Variants in GRAMD1B observed in about 807,000 individuals in gnomAD.
GRAMD1B encodes GRAM domain containing 1B, also known as protein Aster-B.
In GRAMD1B, 37 loss-of-function variants were observed where a neutral mutation model predicts 99.7. The ratio of observed to expected loss-of-function variants is 0.37; its 90% CI spans 0.29 to 0.49. The LOEUF is 0.49. GRAMD1B is among the 20% of genes least tolerant of loss of function. GRAMD1B has a pLI of 0.98. For missense variants in GRAMD1B, 888 were observed against 1,009.2 expected (o/e 0.88, Z 1.63); for synonymous variants, 427 against 387.6 (o/e 1.10, Z -1.19).
chr11:123,410,548 A>G (rs1948009343), intron 1 of GRAMD1B, among the ~76,000 whole-genome samples: 1 of 152,066 alleles, frequency 6.6e-6, no homozygotes, highest in African/African-American at 2.4e-5. Context: ...CTGCCTACAC[A>G]AGACCCTGGA....
At chr11:123,600,355 A>T in intron 7 of GRAMD1B, 113 bp from the exon 8 acceptor site, 2 of 664,350 alleles carry the variant, frequency 3.0e-6, no homozygotes, top group Non-Finnish European at 5.2e-6. Context: ...ACTGAGAGTC[A>T]TTAGTGTTTG....
chr11:123,540,620 AT>A (rs1944415914), intron 2 of GRAMD1B, among the ~76,000 whole-genome samples: 1 of 151,844 alleles, frequency 6.6e-6, no homozygotes, highest in Non-Finnish European at 1.5e-5. Flanking sequence ...TTTAACACAA[AT>A]TATCCATGGG....
intron 1 of GRAMD1B, among the ~76,000 whole-genome samples, chr11:123,439,865 A>G (rs1439210895): frequency 1.3e-5 from 2 of 152,226 alleles, no homozygotes; most frequent in African/African-American, 4.8e-5. Context: ...ATCTGACCAC[A>G]GAGATTTTCA....
rs894577598 is a variant in GRAMD1B at position 123,577,416 on chromosome 11, C to T, written c.502C>T (p.Arg168Trp). Residue 168 changes from arginine (R) to tryptophan (W), a missense_variant, in exon 3 of 20, where the codon CGG (arginine) becomes TGG (tryptophan). Physicochemically the swap from Arg to Trp is moderately radical, Grantham distance 101. This residue lies in a region of GRAMD1B where 233 missense variants were observed against 154.6 expected (regional missense o/e 1.51). Coordinates refer to ENST00000635736, the MANE Select transcript of GRAMD1B (RefSeq NM_001387025.1). ...RSTPACSPILRKRSRSPTPQN... is the reference protein window; with the variant it reads ...RSTPACSPILWKRSRSPTPQN... Reference sequence around the variant, plus strand: ...CACGCCGGCCTGCTCGCCCATCCTCCGGAAGCGGTCTCGCTCGCCAACCCC... The same window carrying T: ...CACGCCGGCCTGCTCGCCCATCCTCTGGAAGCGGTCTCGCTCGCCAACCCC... 1.9e-6 allele frequency: 3 copies of T among 1,599,280 alleles called. No homozygotes were observed. In the Admixed American group the frequency reaches 5.2e-5, roughly 28 times the overall value.
intron 1 of GRAMD1B, among the ~76,000 whole-genome samples, chr11:123,467,746 C>T (rs1320092679): frequency 2.0e-5 from 3 of 152,104 alleles, no homozygotes; most frequent in East Asian, 1.9e-4. Flanking sequence ...CCTGAGGTCA[C>T]GGGCCATGCC....
intron 8 of GRAMD1B, 111 bp downstream of exon 8, chr11:123,600,659 A>G: frequency 4.5e-6 from 3 of 665,860 alleles, no homozygotes; most frequent in Non-Finnish European, 7.9e-6. Flanking sequence ...CACTGATGGT[A>G]TTGGCCTGAG....
intron 11 of GRAMD1B, among the ~76,000 whole-genome samples, chr11:123,607,309 C>A (rs17741341): frequency 0.24 from 37,068 of 152,182 alleles, 5,146 homozygotes; most frequent in South Asian, 0.41. Flanking sequence ...CTTCTAACTT[C>A]ATGCCTGCAT....
intron 17 of GRAMD1B, among the ~76,000 whole-genome samples, chr11:123,617,067 C>A (rs530353538): frequency 2.0e-4 from 30 of 152,166 alleles, no homozygotes; most frequent in Non-Finnish European, 3.7e-4. Flanking sequence ...CACGGTACCA[C>A]TTGCACAGGC....
chr11:123,560,202 TCTGCGCGCAAGAGGG>T, intron 2 of GRAMD1B: 1 of 1,031,822 alleles, frequency 9.7e-7, no homozygotes, highest in Admixed American at 5.3e-5. Flanking sequence ...CGTGTGCGTG[TCTGCGCGCAAGAGGG>T]GTGCGTGTCT....
chr11:123,369,965 G>T (rs1170253404), intron 1 of GRAMD1B, among the ~76,000 whole-genome samples: 2 of 152,062 alleles, frequency 1.3e-5, no homozygotes, highest in Non-Finnish European at 2.9e-5. Context: ...AAACAGCAAA[G>T]ATGAGTTATG....
intron 1 of GRAMD1B, among the ~76,000 whole-genome samples, chr11:123,439,525 T>C (rs998985730): frequency 6.6e-6 from 1 of 152,146 alleles, no homozygotes; most frequent in Non-Finnish European, 1.5e-5. Context: ...AAGAAAACCA[T>C]GGGTTTTTCC....
intron 2 of GRAMD1B, among the ~76,000 whole-genome samples, chr11:123,566,228 G>A (rs1362902994): frequency 1.3e-5 from 2 of 152,144 alleles, no homozygotes; most frequent in Non-Finnish European, 2.9e-5. Context: ...TGCACAGAAA[G>A]AAAAAGTGAT....
chr11:123,622,393 C>A (rs1955232787), intron 19 of GRAMD1B, 113 bp from the exon 20 acceptor site: 1 of 674,466 alleles, frequency 1.5e-6, no homozygotes, highest in Admixed American at 2.1e-5. Flanking sequence ...TCTTTTCAGC[C>A]CCATGGCGTG....
intron 2 of GRAMD1B, among the ~76,000 whole-genome samples, chr11:123,493,438 T>C (rs548200088): frequency 2.4e-4 from 36 of 152,174 alleles, no homozygotes; most frequent in African/African-American, 7.7e-4. Context: ...TTTGCAAACT[T>C]ATTAAGGGAA....
At chr11:123,517,420 A>G (rs1941775185) in intron 2 of GRAMD1B, among the ~76,000 whole-genome samples, 1 of 152,220 alleles carries the variant, frequency 6.6e-6, no homozygotes, top group Non-Finnish European at 1.5e-5. Flanking sequence ...TGGGTTGGGA[A>G]TAATCACAGC....
intron 2 of GRAMD1B, among the ~76,000 whole-genome samples, chr11:123,481,360 A>G (rs148214628): frequency 1.2e-3 from 185 of 152,324 alleles, no homozygotes; most frequent in African/African-American, 4.1e-3. Flanking sequence ...AGGCTGAGGC[A>G]GGAGAATCGC....
chr11:123,604,877 C>G (rs1054948072), intron 9 of GRAMD1B, among the ~76,000 whole-genome samples: 5 of 152,126 alleles, frequency 3.3e-5, no homozygotes, highest in Non-Finnish European at 2.9e-5. Context: ...TAGTTATCAT[C>G]AAGAATTTGG....
chr11:123,507,969 T>A (rs371351664), intron 2 of GRAMD1B, among the ~76,000 whole-genome samples: 2 of 152,210 alleles, frequency 1.3e-5, no homozygotes, highest in Admixed American at 1.3e-4. Flanking sequence ...CTCTACTGAC[T>A]GTGTGACCTT....
chr11:123,434,306 A>G (rs947631473), intron 1 of GRAMD1B, among the ~76,000 whole-genome samples: 1 of 151,294 alleles, frequency 6.6e-6, no homozygotes, highest in African/African-American at 2.4e-5. Flanking sequence ...CAGACTCTGG[A>G]TTCAAATTCA....
Sources: gnomAD v4.1 joint callset for allele counts (sites outside exome capture counted in the v4.1 genomes callset) on GRCh38, gnomAD v4.1.1 for gene constraint, gnomAD v4.1.1 regional missense constraint, MANE v1.5 for transcripts, NCBI Gene and HGNC (gene_info 2026-07-23, HGNC 2026-07-21) for gene names.